The following PLCXD2 variants were observed in gnomAD, a reference collection of about 807,000 sequenced individuals.
The protein encoded by PLCXD2 is PI-PLC X domain-containing protein 2.
A neutral mutation model predicts 28.6 loss-of-function variants in PLCXD2; 21 were observed. That is an observed-to-expected ratio of 0.73 (90% CI 0.52 to 1.06). The LOEUF (loss-of-function observed/expected upper bound fraction) is 1.06, where lower values mean the gene tolerates loss of function less well. PLCXD2 is among the 50% of genes least tolerant of loss of function. PLCXD2 has a pLI of 0.00. For synonymous variants in PLCXD2, 140 were observed against 150.1 expected (o/e 0.93, Z 0.49); for missense variants, 369 against 376.7 (o/e 0.98, Z 0.17).
chr3:111,678,246 T>A (rs1940654483), intron 1 of PLCXD2, among the ~76,000 whole-genome samples: 1 of 152,254 alleles, frequency 6.6e-6, no homozygotes, highest in African/African-American at 2.4e-5. Context: ...TAAGAACACC[T>A]GTTAATGGCC....
intron 1 of PLCXD2, among the ~76,000 whole-genome samples, chr3:111,704,619 A>AG (rs1941090970): frequency 6.6e-6 from 1 of 152,228 alleles, no homozygotes; most frequent in Admixed American, 6.5e-5. Flanking sequence ...GTGATATTTC[A>AG]ATACGTGTAT....
intron 3 of PLCXD2, chr3:111,724,485 T>C (rs559156572): frequency 6.6e-6 from 1 of 152,328 alleles, no homozygotes; most frequent in African/African-American, 2.4e-5. Context: ...AGTAGAGTAT[T>C]CTGGAATTAA....
intron 3 of PLCXD2, 74 bp downstream of exon 3, chr3:111,714,202 G>A (rs202044561): frequency 2.1e-5 from 31 of 1,499,632 alleles, no homozygotes; most frequent in East Asian, 4.8e-5. Context: ...TGAGTAAATC[G>A]CAGTAAAGCC....
chr3:111,724,705 T>A (rs1207643788), intron 3 of PLCXD2: 1 of 152,186 alleles, frequency 6.6e-6, no homozygotes, highest in African/African-American at 2.4e-5. Flanking sequence ...TCCTGCAGAT[T>A]TAGTTCATGC....
chr3:111,675,470 G>T (rs1172481142), intron 1 of PLCXD2, 62 bp downstream of exon 1: 4 of 1,586,564 alleles, frequency 2.5e-6, no homozygotes, highest in Admixed American at 3.4e-5. Flanking sequence ...TGTTGTTAAG[G>T]GGTTGGGTTG....
chr3:111,714,579 C>T (rs13083322), intron 3 of PLCXD2, among the ~76,000 whole-genome samples: 15,413 of 152,180 alleles, frequency 0.1, 1,127 homozygotes, highest in East Asian at 0.32. Flanking sequence ...GAAGAAGCAG[C>T]TTAGGATGCC....
intron 1 of PLCXD2, among the ~76,000 whole-genome samples, chr3:111,700,441 AAGG>A (rs1941025026): frequency 6.6e-6 from 1 of 152,208 alleles, no homozygotes; most frequent in East Asian, 1.9e-4. Flanking sequence ...ATAGAACATT[AAGG>A]AGGGACTTGT....
At chr3:111,726,815 C>A (rs890463147) in intron 3 of PLCXD2, 1 of 152,010 alleles carries the variant, frequency 6.6e-6, no homozygotes, top group Admixed American at 6.6e-5. Context: ...AATATGATGA[C>A]CTGATGTGTT....
At chr3:111,686,199 T>C in intron 1 of PLCXD2, among the ~76,000 whole-genome samples, 1 of 152,210 alleles carries the variant, frequency 6.6e-6, no homozygotes, top group African/African-American at 2.4e-5. Flanking sequence ...CTGATTTACT[T>C]CAATTATCTC....
rs927975793 is a variant in PLCXD2, at chr3:111,706,937, G to C, written c.164-989G>C. The stretch of plus-strand genomic sequence containing the variant: ...CTAACACCAGAGCACCTAGATTTAT[G>C]AGGCAAATATTATTAGAGTTAAATA... On this transcript the variant is annotated intron_variant, in intron 1 of 4. Transcript: ENST00000477665. 2.6e-5 allele frequency among the ~76,000 whole-genome samples: 4 copies of C among 152,062 alleles called. No homozygotes were observed. The East Asian group carries it at 7.7e-4, about 29-fold the overall frequency.
At chr3:111,706,755 G>T (rs1021971058) in intron 1 of PLCXD2, among the ~76,000 whole-genome samples, 1 of 149,548 alleles carries the variant, frequency 6.7e-6, no homozygotes, top group Non-Finnish European at 1.5e-5. Flanking sequence ...CCACACAAAC[G>T]GAAACCAAAA....
chr3:111,691,751 G>C (rs534077873), intron 1 of PLCXD2, among the ~76,000 whole-genome samples: 1 of 152,058 alleles, frequency 6.6e-6, no homozygotes, highest in Non-Finnish European at 1.5e-5. Context: ...TCTATGTCCC[G>C]GGCAGCCACA....
In PLCXD2 at chr3:111,675,192, G is replaced by T; in HGVS notation, c.-54G>T. ...ACGTCCACAGAGCCCAAGAAGTGAT[G>T]ATCACTGAGTGAGTGGCACTGGGCT... On this transcript the variant is annotated 5_prime_UTR_variant, in exon 1 of 5. It removes an upstream start codon present in the reference 5' UTR. Transcript: ENST00000477665. The T allele has an allele frequency of 6.3e-7, 1 of 1,575,348 alleles. No homozygotes were observed. The highest frequency in any genetic ancestry group is 8.7e-7 in the Non-Finnish European group (1 of 1,155,548).
intron 1 of PLCXD2, 128 bp from the exon 2 acceptor site, chr3:111,707,798 C>A: frequency 1.2e-6 from 1 of 829,086 alleles, no homozygotes. Context: ...AATTTTGCTA[C>A]TATTCATTTG....
At chr3:111,709,919 A>G (rs4401340) in intron 2 of PLCXD2, among the ~76,000 whole-genome samples, 83,447 of 152,010 alleles carry the variant, frequency 0.55, 24,443 homozygotes, top group African/African-American at 0.77. Context: ...TCCGGTTGCA[A>G]TACTAGGAAG....
At chr3:111,688,826 CT>C (rs1184449864) in intron 1 of PLCXD2, among the ~76,000 whole-genome samples, 2 of 151,634 alleles carry the variant, frequency 1.3e-5, no homozygotes, top group African/African-American at 4.9e-5. Flanking sequence ...TGTAAATTAA[CT>C]TTAAAAAAAG....
intron 1 of PLCXD2, among the ~76,000 whole-genome samples, chr3:111,697,617 T>G (rs1940980822): frequency 6.6e-6 from 1 of 152,186 alleles, no homozygotes; most frequent in Admixed American, 6.5e-5. Context: ...TGATAGGGTT[T>G]TTTTGATGGG....
intron 1 of PLCXD2, among the ~76,000 whole-genome samples, chr3:111,701,004 G>C (rs1463570812): frequency 6.6e-6 from 1 of 152,202 alleles, no homozygotes; most frequent in Non-Finnish European, 1.5e-5. Flanking sequence ...AGTCAACAGA[G>C]TGGAGGCTAA....
At chr3:111,680,275 A>G (rs577827053) in intron 1 of PLCXD2, among the ~76,000 whole-genome samples, 2 of 152,158 alleles carry the variant, frequency 1.3e-5, no homozygotes, top group Non-Finnish European at 2.9e-5. Context: ...CATATCTAAA[A>G]GAGATTTGGA....
Sources: allele counts gnomAD v4.1 joint callset (sites outside exome capture counted in the v4.1 genomes callset), GRCh38; gene constraint gnomAD v4.1.1; transcripts MANE v1.5; gene names NCBI Gene and HGNC (gene_info 2026-07-23, HGNC 2026-07-21).